ANK3: variants seen among roughly 807,000 people sequenced by gnomAD.
ANK3 encodes the protein ankyrin 3.
ANK3 carries 57 observed loss-of-function variants against 370.9 expected under a neutral mutation model. The observed-to-expected ratio is 0.15, with a 90% confidence interval of 0.12 to 0.19. The LOEUF (loss-of-function observed/expected upper bound fraction) is 0.19. ANK3 is among the 10% of genes least tolerant of loss of function. ANK3 has a pLI of 1.00. For missense variants in ANK3, 4,439 were observed against 5,302.1 expected (o/e 0.84, Z 5.06); for synonymous variants, 1,929 against 1,946.3 (o/e 0.99, Z 0.23).
intron 25 of ANK3, among the ~76,000 whole-genome samples, chr10:60,115,037 CCTG>C (rs1300591112): frequency 1.1e-4 from 16 of 152,156 alleles, no homozygotes; most frequent in African/African-American, 3.6e-4. Flanking sequence ...GCTACAGTTT[CCTG>C]CTAAGAACAT....
chr10:60,335,709 C>A (rs529251856), intron 1 of ANK3, among the ~76,000 whole-genome samples: 40 of 152,256 alleles, frequency 2.6e-4, no homozygotes, highest in Admixed American at 1.3e-3. Flanking sequence ...GCAGGTATGG[C>A]AGGACATCAT....
intron 8 of ANK3, among the ~76,000 whole-genome samples, chr10:60,219,743 C>G (rs1396331394): frequency 6.6e-6 from 1 of 152,094 alleles, no homozygotes; most frequent in Non-Finnish European, 1.5e-5. Flanking sequence ...AAAAATACAA[C>G]AAAATTTGAT....
chr10:60,350,923 T>C lies in ANK3; in HGVS notation c.114+38502A>G, dbSNP rs2056731380. 2.6e-5 allele frequency among the ~76,000 whole-genome samples: 4 copies of C among 152,052 alleles called. No homozygotes were observed. The South Asian group carries it at 8.3e-4, about 32-fold the overall frequency. On this transcript the variant is annotated intron_variant, in intron 1 of 43. Coordinates refer to ENST00000280772, the MANE Select transcript of ANK3 (RefSeq NM_020987.5). ...TGGCTGTGTTCCAGGAAGAATAATT[T>C]AGCTCCAATTACTTAAAACTGCTTT...
intron 25 of ANK3, among the ~76,000 whole-genome samples, chr10:60,129,167 C>T (rs1056196098): frequency 2.0e-5 from 3 of 152,206 alleles, no homozygotes; most frequent in Admixed American, 6.5e-5. Flanking sequence ...TACCAATACA[C>T]ACCAAGCTTC....
intron 1 of ANK3, among the ~76,000 whole-genome samples, chr10:60,306,107 T>C (rs145039064): frequency 2.0e-5 from 3 of 152,234 alleles, no homozygotes; most frequent in East Asian, 1.9e-4. Flanking sequence ...TTTGGTTACA[T>C]TGATAAGCTA....
chr10:60,254,990 G>A (rs1488559710), intron 7 of ANK3, among the ~76,000 whole-genome samples: 1 of 152,174 alleles, frequency 6.6e-6, no homozygotes, highest in East Asian at 1.9e-4. Flanking sequence ...GATGACACAG[G>A]TCTGTTCTTG....
chr10:60,727,266 C>G (rs149725866), intron 1 of ANK3, among the ~76,000 whole-genome samples: 21 of 152,258 alleles, frequency 1.4e-4, no homozygotes, highest in African/African-American at 4.3e-4. Context: ...CAATGAAATA[C>G]TACTTAGCAA....
chr10:60,639,543 G>C (rs1046862439), intron 1 of ANK3, among the ~76,000 whole-genome samples: 1 of 151,504 alleles, frequency 6.6e-6, no homozygotes, highest in African/African-American at 2.4e-5. Context: ...ATAACATGTA[G>C]AAGTAAAATA....
chr10:60,540,710 C>A (rs917571588), intron 2 of ANK3, among the ~76,000 whole-genome samples: 1 of 151,860 alleles, frequency 6.6e-6, no homozygotes, highest in Non-Finnish European at 1.5e-5. Context: ...AGAGATTGGG[C>A]AAATTATTGC....
At chr10:60,186,693 T>C in intron 17 of ANK3, 22 bp downstream of exon 17, 1 of 1,613,006 alleles carries the variant, frequency 6.2e-7, no homozygotes, top group Non-Finnish European at 8.5e-7. Flanking sequence ...CTGCATGCTT[T>C]GTCAAGAAAG....
At chr10:60,622,648 T>C (rs1015974112) in intron 1 of ANK3, among the ~76,000 whole-genome samples, 1 of 152,196 alleles carries the variant, frequency 6.6e-6, no homozygotes. Flanking sequence ...GATAAATACA[T>C]GCTCATTAAA....
chr10:60,623,928 G>A (rs1262895284), intron 1 of ANK3, among the ~76,000 whole-genome samples: 3 of 152,258 alleles, frequency 2.0e-5, no homozygotes, highest in South Asian at 2.1e-4. Flanking sequence ...ATATCTCTGT[G>A]ACCAAACACG....
chr10:60,451,271 C>G (rs2064594172), intron 2 of ANK3, among the ~76,000 whole-genome samples: 1 of 152,224 alleles, frequency 6.6e-6, no homozygotes, highest in East Asian at 1.9e-4. Context: ...CCTGTAAGAA[C>G]ACATTTCTGT....
intron 2 of ANK3, among the ~76,000 whole-genome samples, chr10:60,588,951 C>T (rs61853474): frequency 6.6e-5 from 10 of 151,788 alleles, no homozygotes; most frequent in South Asian, 2.1e-4. Flanking sequence ...TATATTACAA[C>T]GGGGAAAGGG....
At position 60,437,868 on chromosome 10, in the gene ANK3, G is replaced by A. The variant is rs181327847; in HGVS notation, c.97-158229C>T. ...CCTCACAGAAAGTGAGACTTGATTT[G>A]AAGTCTGCCTCCAGAATGTAGGTAT... is the stretch of plus-strand genomic sequence containing the variant. On this transcript the variant is annotated intron_variant, in intron 2 of 43. Transcript: ENST00000373827. 4.2e-4 allele frequency among the ~76,000 whole-genome samples: 64 copies of A among 152,298 alleles called. 1 individual carries two copies. The highest frequency in any genetic ancestry group is 1.2e-3 in the African/African-American group (51 of 41,570).
chr10:60,069,774 C>G lies in ANK3; in HGVS notation c.11107G>C (p.Glu3703Gln). ...QEGTSSSGSL[E>Q]KSAAATNTSK... ...GTGTTAGTGGCTGCTGCTGATTTCT[C>G]CAGGGAGCCACTACTGGATGTGCCT... The change falls in exon 37 of 44, where the codon GAG becomes CAG. Residue 3703 changes from glutamate to glutamine, a missense_variant. Physicochemically the swap from Glu to Gln is conservative, Grantham distance 29 (BLOSUM62 2). Around this residue, in one of 13 missense-constraint regions of ANK3, gnomAD observed 496 missense variants for 529.3 expected, o/e 0.94. Coordinates refer to ENST00000280772, the MANE Select transcript of ANK3 (RefSeq NM_020987.5). 3 of 1,613,956 alleles carry G rather than the reference C, an allele frequency of 1.9e-6. No individual in the cohort carries two copies. The highest frequency in any genetic ancestry group is 2.5e-6 in the Non-Finnish European group (3 of 1,179,964).
intron 36 of ANK3, among the ~76,000 whole-genome samples, chr10:60,079,986 T>C (rs1277717440): frequency 1.3e-5 from 2 of 151,674 alleles, no homozygotes; most frequent in Non-Finnish European, 2.9e-5. Context: ...GATATTTTAA[T>C]AAAGGACAGG....
chr10:60,596,688 G>T (rs2077992497), intron 2 of ANK3, among the ~76,000 whole-genome samples: 1 of 152,100 alleles, frequency 6.6e-6, no homozygotes, highest in Non-Finnish European at 1.5e-5. Flanking sequence ...TTTGAAACAA[G>T]TAAATTACAA....
At chr10:60,395,353 A>G (rs1394233696) in intron 2 of ANK3, among the ~76,000 whole-genome samples, 1 of 152,198 alleles carries the variant, frequency 6.6e-6, no homozygotes, top group Non-Finnish European at 1.5e-5. Flanking sequence ...CACTTTCTTA[A>G]AGCTTTTTAA....
Sources: gnomAD v4.1 joint callset for allele counts (sites outside exome capture counted in the v4.1 genomes callset) on GRCh38, gnomAD v4.1.1 for gene constraint, gnomAD v4.1.1 regional missense constraint, MANE v1.5 for transcripts, NCBI Gene and HGNC (gene_info 2026-07-23, HGNC 2026-07-21) for gene names.